LRP4: variants seen among roughly 807,000 people sequenced by gnomAD.
LRP4 encodes low-density lipoprotein receptor-related protein 4.
Under a neutral mutation model 220.3 loss-of-function variants are expected in LRP4, and 95 were observed. The observed-to-expected ratio is 0.43, with a 90% CI of 0.37 to 0.51. The LOEUF (loss-of-function observed/expected upper bound fraction) is 0.51, where lower values mean the gene tolerates loss of function less well. Among genes scored for constraint, LRP4 ranks in the 20% least tolerant of loss-of-function variants. The pLI is 0.00. For missense variants in LRP4, 1,925 were observed against 2,567.0 expected, an observed-to-expected ratio of 0.75 and a Z score of 5.40; for synonymous variants, 903 against 954.6, an observed-to-expected ratio of 0.95 and a Z score of 1.00.
chr11:46,888,543 T>A, intron 16 of LRP4, among the ~76,000 whole-genome samples: 1 of 7,378 alleles, frequency 1.4e-4, no homozygotes, highest in African/African-American at 1.6e-4. Context: ...AGAGCAAAAC[T>A]GTCTCAAAAA....
At chr11:46,883,491 C>T (rs1036535457) in intron 19 of LRP4, among the ~76,000 whole-genome samples, 1 of 152,222 alleles carries the variant, frequency 6.6e-6, no homozygotes, top group Non-Finnish European at 1.5e-5. Flanking sequence ...TTCTTTAATT[C>T]GGCCCACCCC....
chr11:46,882,431 T>A (rs1380161705), intron 19 of LRP4, among the ~76,000 whole-genome samples: 2 of 151,322 alleles, frequency 1.3e-5, no homozygotes, highest in Non-Finnish European at 2.9e-5. Context: ...GAGCCATGAC[T>A]GGGCCACTGC....
intron 30 of LRP4, among the ~76,000 whole-genome samples, chr11:46,872,317 A>G (rs1940889191): frequency 6.6e-6 from 1 of 152,196 alleles, no homozygotes; most frequent in Admixed American, 6.5e-5. Flanking sequence ...GGTTAAAAGA[A>G]GAAGGCATTC....
chr11:46,873,316 AC>A lies in LRP4; in HGVS notation c.4448+58del. On this transcript the variant is annotated intron_variant, in intron 29 of 37. Transcript: ENST00000378623. This position sits in a 1 kb window ranked among gnomAD's most constrained non-coding sequence, Gnocchi z 4.2. ...GAGAGAACACAGAGGACCCACTAAC[AC>A]CATCTTTCCACCCAGCCCTTCTTCC... is the stretch of plus-strand genomic sequence containing the variant. 6.2e-7 allele frequency: 1 copy of A among 1,611,650 alleles called. No individual in the cohort carries two copies. The highest frequency in any genetic ancestry group is 1.1e-5 in the South Asian group (1 of 90,860).
Position 46,874,912 on chromosome 11 carries a change from C to T in LRP4, c.4117G>A (p.Asp1373Asn). Reference protein sequence around the residue: ...SIRRISLDTSDHTDVHVPVPE... With the variant: ...SIRRISLDTSNHTDVHVPVPE... ...ACAGGGACATGCACATCGGTGTGGT[C>T]ACTGGTGTCCAGTGAGATACGCCGG... Residue 1373 changes from aspartate to asparagine, a missense_variant, in exon 28 of 38, where the codon GAC becomes AAC. Asp to Asn is a conservative substitution (Grantham distance 23). Transcript: ENST00000378623. The T allele has an allele frequency of 6.2e-7, 1 of 1,614,168 alleles. No individual in the cohort carries two copies. The highest frequency in any genetic ancestry group is 8.5e-7 in the Non-Finnish European group (1 of 1,180,042).
In LRP4 at chr11:46,875,634, C is replaced by T. The variant is rs750555478; in HGVS notation, c.3747G>A (p.Val1249=). Residue 1249 remains valine, a synonymous_variant, in exon 27 of 38, where the codon GTG becomes GTA. Transcript: ENST00000378623. This position sits in a 1 kb window ranked among gnomAD's most constrained non-coding sequence, Gnocchi z 4.5. ...GGCCATATGGGTGCTGCACCGGTGA[C>T]ACCAATGTATGCCGATTGGCACCAT... is the stretch of plus-strand genomic sequence containing the variant. The part of the protein sequence containing the change: ...DLNGANRHTL[V]SPVQHPYGLT... 18 of 1,614,064 alleles carry T rather than the reference C, an allele frequency of 1.1e-5. No homozygotes were observed. Among genetic ancestry groups the T allele is most frequent in the South Asian group, 8.8e-5 (8 of 91,092 alleles).
chr11:46,857,188 G>A lies in LRP4; in HGVS notation c.*1795C>T, dbSNP rs1184961323. The A allele has an allele frequency of 6.6e-6, 1 of 152,374 alleles. No homozygotes were observed. The highest frequency in any genetic ancestry group is 2.4e-5 in the African/African-American group (1 of 41,406). 9.4% of individuals were successfully genotyped at this position (152,374 alleles called of 1,614,324 possible). A position where few individuals can be genotyped will look rare whatever the true frequency, so the allele number is the denominator to read the frequency against. ...TCTTCCTCCCCAGACGTGAGTCTAAGGACCCAAAGTGCTCACTCCTTTACT... is the reference window on the plus strand; with the variant it reads ...TCTTCCTCCCCAGACGTGAGTCTAAAGACCCAAAGTGCTCACTCCTTTACT... On this transcript the variant is annotated 3_prime_UTR_variant, in exon 38 of 38. Transcript: ENST00000378623.
rs111729971 is a variant in LRP4, at chr11:46,911,099, T to C, written c.52+7229A>G. ...TTCCACTTTTGTAAATCAGGAGTAA[T>C]AACAGTATCTATTTCATAGGGTTGC... On this transcript the variant is annotated intron_variant, in intron 1 of 37. Transcript: ENST00000378623. 2.8e-4 allele frequency among the ~76,000 whole-genome samples: 42 copies of C among 152,318 alleles called. 1 individual carries two copies. Among genetic ancestry groups the C allele is most frequent in the African/African-American group, 9.9e-4 (41 of 41,572 alleles).
Position 46,873,206 on chromosome 11 carries a change from T to C in LRP4, c.4477A>G (p.Ile1493Val), listed in dbSNP as rs751679601. 6.2e-7 allele frequency: 1 copy of C among 1,614,174 alleles called. No individual in the cohort carries two copies. The highest frequency in any genetic ancestry group is 8.5e-7 in the Non-Finnish European group (1 of 1,180,028). ...GYLFWTDWGH[I>V]AKIERANLDG... Reference sequence around the variant, plus strand: ...AAGTTTGCCCGTTCGATCTTGGCAATGTGGCCCCAGTCTGTCCAGAAGAGG... The same window carrying C: ...AAGTTTGCCCGTTCGATCTTGGCAACGTGGCCCCAGTCTGTCCAGAAGAGG... The change falls in exon 30 of 38, where the codon ATT (isoleucine) becomes GTT (valine). Residue 1493 changes from isoleucine to valine, a missense_variant. By Grantham distance (29) the Ile-to-Val change is conservative (BLOSUM62 3). This residue lies in a region of LRP4 where 1,244 missense variants were observed against 1,624.9 expected (regional missense o/e 0.77). Transcript: ENST00000378623. The surrounding 1 kb of genome is among the most constrained non-coding windows in gnomAD (Gnocchi z 4.2).
Position 46,871,505 on chromosome 11 carries a change from C to T in LRP4, c.4692+20G>A, listed in dbSNP as rs774598185. The T allele has an allele frequency of 7.1e-6, 11 of 1,544,812 alleles. No individual in the cohort carries two copies. Among genetic ancestry groups the T allele is most frequent in the Non-Finnish European group, 9.8e-6 (11 of 1,120,160 alleles). The stretch of plus-strand genomic sequence containing the variant: ...CATCCCAGTCAAGGAGGTTTAGTTA[C>T]CTCTCTCCTGAGCCAGTACCTGTGT... On this transcript the variant is annotated intron_variant, in intron 31 of 37. Transcript: ENST00000378623.
Position 46,894,692 on chromosome 11 carries a change from G to A in LRP4, c.1437C>T (p.Arg479=), listed in dbSNP as rs141108617. 5.0e-5 allele frequency: 81 copies of A among 1,614,128 alleles called. No homozygotes were observed. Among genetic ancestry groups the A allele is most frequent in the Non-Finnish European group, 6.1e-5 (72 of 1,180,056 alleles). Residue 479 remains arginine (R), a synonymous_variant, in exon 12 of 38, where the codon CGC becomes CGT. Transcript: ENST00000378623. ...TGACATCTGACCAGAAGACAAGCTC[G>A]CGGCGGTGGTGGAAATCAAGGGCAA... ...NAIALDFHHR[R]ELVFWSDVTL...
chr11:46,878,867 C>T, intron 22 of LRP4, 40 bp downstream of exon 22: 2 of 1,613,136 alleles, frequency 1.2e-6, no homozygotes, highest in Non-Finnish European at 1.7e-6. Context: ...TTGCCCCCTC[C>T]CAGAGAGGCT....
At chr11:46,887,705 C>A (rs895497653) in intron 16 of LRP4, among the ~76,000 whole-genome samples, 1 of 151,810 alleles carries the variant, frequency 6.6e-6, no homozygotes, top group Non-Finnish European at 1.5e-5. Flanking sequence ...GTGGCAGGTG[C>A]CTGTAATCTC....
chr11:46,911,148 C>T (rs534940456), intron 1 of LRP4, among the ~76,000 whole-genome samples: 2 of 152,216 alleles, frequency 1.3e-5, no homozygotes, highest in East Asian at 1.9e-4. Flanking sequence ...TGAAATAATA[C>T]GTATGAGGTT....
intron 32 of LRP4, 77 bp from the exon 33 acceptor site, chr11:46,868,790 A>G: frequency 7.7e-7 from 1 of 1,304,212 alleles, no homozygotes; most frequent in East Asian, 2.3e-5. Context: ...AAAACAGAGG[A>G]AATCCAGGAT....
chr11:46,884,493 T>C (rs1941235123), intron 18 of LRP4, among the ~76,000 whole-genome samples: 1 of 151,844 alleles, frequency 6.6e-6, no homozygotes, highest in African/African-American at 2.4e-5. Flanking sequence ...TCCCAGCAGT[T>C]TGGGAGGCCG....
chr11:46,871,844 G>A (rs1474222293), intron 30 of LRP4, among the ~76,000 whole-genome samples: 1 of 152,116 alleles, frequency 6.6e-6, no homozygotes, highest in African/African-American at 2.4e-5. Context: ...CTCTGGGGAG[G>A]CATAGAAAGT....
At chr11:46,865,071 G>A in intron 35 of LRP4, 48 bp downstream of exon 35, 1 of 1,474,814 alleles carries the variant, frequency 6.8e-7, no homozygotes, top group East Asian at 2.5e-5. Flanking sequence ...TGGAGACTTA[G>A]ATTCATTACA....
chr11:46,883,421 T>G (rs563320135), intron 19 of LRP4, among the ~76,000 whole-genome samples: 2 of 152,366 alleles, frequency 1.3e-5, no homozygotes, highest in East Asian at 3.9e-4. Flanking sequence ...CCATAAACAA[T>G]AGCATGAGCT....
Sources: gnomAD v4.1 joint callset for allele counts (sites outside exome capture counted in the v4.1 genomes callset) on GRCh38, gnomAD v4.1.1 for gene constraint, gnomAD v4.1.1 regional missense constraint, Gnocchi (gnomAD v3.1) non-coding constraint, MANE v1.5 for transcripts, NCBI Gene and HGNC (gene_info 2026-07-23, HGNC 2026-07-21) for gene names.